FSTL5: variants seen among roughly 807,000 people sequenced by gnomAD.
FSTL5 encodes follistatin-related protein 5.
Under a neutral mutation model 89.1 loss-of-function variants are expected in FSTL5, and 62 were observed. The ratio of observed to expected loss-of-function variants is 0.70; its 90% confidence interval spans 0.57 to 0.86. FSTL5 has a LOEUF of 0.86. FSTL5 is among the 40% of genes least tolerant of loss of function. The pLI is 0.00. For missense variants in FSTL5, 1,057 were observed against 1,001.6 expected (o/e 1.06, Z -0.75); for synonymous variants, 383 against 346.2 (o/e 1.11, Z -1.18).
At chr4:162,019,235 C>A (rs1452936486) in intron 3 of FSTL5, among the ~76,000 whole-genome samples, 1 of 151,976 alleles carries the variant, frequency 6.6e-6, no homozygotes, top group South Asian at 2.1e-4. Context: ...GCACTAATCA[C>A]GATATATGTA....
intron 3 of FSTL5, among the ~76,000 whole-genome samples, chr4:161,921,267 C>T (rs982648414): frequency 6.6e-6 from 1 of 152,084 alleles, no homozygotes; most frequent in African/African-American, 2.4e-5. Context: ...ACCTTTGCCA[C>T]CTGACAATCA....
At chr4:162,123,552 C>T (rs1731951687) in intron 1 of FSTL5, among the ~76,000 whole-genome samples, 1 of 152,084 alleles carries the variant, frequency 6.6e-6, no homozygotes, top group Non-Finnish European at 1.5e-5. Flanking sequence ...GGAGAGTAAA[C>T]TATCCTTGTA....
At chr4:161,996,007 A>G (rs967913334) in intron 3 of FSTL5, among the ~76,000 whole-genome samples, 2 of 152,178 alleles carry the variant, frequency 1.3e-5, no homozygotes, top group African/African-American at 4.8e-5. Flanking sequence ...ATAAAAGAAC[A>G]CTGGAGTTAA....
chr4:161,677,967 ATT>A (rs1411538445), intron 6 of FSTL5, among the ~76,000 whole-genome samples: 3 of 151,748 alleles, frequency 2.0e-5, no homozygotes, highest in Non-Finnish European at 2.9e-5. Flanking sequence ...TATATATTTT[ATT>A]TGTCAATTAA....
At chr4:161,949,676 A>G (rs921283267) in intron 3 of FSTL5, among the ~76,000 whole-genome samples, 2 of 151,430 alleles carry the variant, frequency 1.3e-5, no homozygotes, top group East Asian at 1.9e-4. Context: ...TTTTTTCTAT[A>G]TGTTTGTTTG....
intron 12 of FSTL5, among the ~76,000 whole-genome samples, chr4:161,487,261 A>T (rs893551347): frequency 6.6e-6 from 1 of 152,200 alleles, no homozygotes; most frequent in African/African-American, 2.4e-5. Flanking sequence ...AAGAAAAAAT[A>T]GTCAAGAAGT....
chr4:162,003,855 C>T (rs75768044), intron 3 of FSTL5, among the ~76,000 whole-genome samples: 2,840 of 152,122 alleles, frequency 0.019, 37 homozygotes, highest in Non-Finnish European at 0.028. Context: ...TTTTTTACTT[C>T]CTCACAAATA....
chr4:162,024,665 C>T (rs1737213590), intron 3 of FSTL5, among the ~76,000 whole-genome samples: 1 of 151,360 alleles, frequency 6.6e-6, no homozygotes, highest in African/African-American at 2.4e-5. Context: ...TTTATTTATT[C>T]ATTTATTTAT....
intron 6 of FSTL5, among the ~76,000 whole-genome samples, chr4:161,661,104 T>C (rs1324167029): frequency 1.3e-5 from 2 of 152,152 alleles, no homozygotes; most frequent in Non-Finnish European, 2.9e-5. Flanking sequence ...TTTTAACACA[T>C]ATAGAAAAAA....
chr4:161,456,471 A>G (rs1422125720), intron 14 of FSTL5, among the ~76,000 whole-genome samples: 1 of 152,244 alleles, frequency 6.6e-6, no homozygotes, highest in Non-Finnish European at 1.5e-5. Context: ...AATAAAAATT[A>G]AAACACAAAG....
chr4:161,610,857 TCAGGTG>T (rs1016036733), intron 7 of FSTL5, among the ~76,000 whole-genome samples: 1 of 151,948 alleles, frequency 6.6e-6, no homozygotes, highest in African/African-American at 2.4e-5. Flanking sequence ...TCTGGTAATT[TCAGGTG>T]CAGATACAAC....
chr4:161,813,061 C>T (rs1348950441), intron 4 of FSTL5, among the ~76,000 whole-genome samples: 2 of 149,780 alleles, frequency 1.3e-5, no homozygotes, highest in Admixed American at 6.7e-5. Context: ...GAGTCTCGCG[C>T]TGTTGCCCAG....
chr4:161,848,113 G>T (rs396998), intron 4 of FSTL5, among the ~76,000 whole-genome samples: 1 of 138,490 alleles, frequency 7.2e-6, no homozygotes, highest in African/African-American at 2.7e-5. Context: ...CTTGTTTTAA[G>T]AAAAGGTAAT....
At chr4:161,933,060 T>C (rs1253291271) in intron 3 of FSTL5, among the ~76,000 whole-genome samples, 1 of 152,192 alleles carries the variant, frequency 6.6e-6, no homozygotes, top group Non-Finnish European at 1.5e-5. Flanking sequence ...ATATCCTGTG[T>C]AAATTGCTTA....
At chr4:162,039,538 C>T (rs895964751) in intron 2 of FSTL5, among the ~76,000 whole-genome samples, 1 of 151,814 alleles carries the variant, frequency 6.6e-6, no homozygotes, top group African/African-American at 2.4e-5. Context: ...CACAGCATTT[C>T]CTTTAGTTGA....
chr4:161,625,442 G>A (rs565870052), intron 7 of FSTL5, among the ~76,000 whole-genome samples: 100 of 151,914 alleles, frequency 6.6e-4, no homozygotes, highest in Non-Finnish European at 9.9e-4. Context: ...CATTGTTTTC[G>A]GTTGCCATGA....
intron 4 of FSTL5, among the ~76,000 whole-genome samples, chr4:161,901,006 G>A (rs887413938): frequency 6.6e-6 from 1 of 151,814 alleles, no homozygotes; most frequent in African/African-American, 2.4e-5. Flanking sequence ...TGTAATCTGT[G>A]GCTGTTTTTC....
chr4:161,660,752 G>A (rs896689127), intron 6 of FSTL5, among the ~76,000 whole-genome samples: 25 of 151,976 alleles, frequency 1.6e-4, no homozygotes, highest in African/African-American at 5.3e-4. Context: ...GCATTAATTC[G>A]CTAAGGATTA....
At chr4:161,682,795 G>C (rs957675690) in intron 6 of FSTL5, among the ~76,000 whole-genome samples, 2 of 151,934 alleles carry the variant, frequency 1.3e-5, no homozygotes, top group Non-Finnish European at 2.9e-5. Context: ...TGCCCAGGCT[G>C]GGGTGCAATG....
Sources: gnomAD v4.1 joint callset for allele counts (sites outside exome capture counted in the v4.1 genomes callset) on GRCh38, gnomAD v4.1.1 for gene constraint, MANE v1.5 for transcripts, NCBI Gene and HGNC (gene_info 2026-07-23, HGNC 2026-07-21) for gene names.